CAMK2B: variants seen among roughly 807,000 people sequenced by gnomAD.
CAMK2B encodes the protein calcium/calmodulin-dependent protein kinase type II subunit beta.
In CAMK2B, 27 loss-of-function variants were observed where a neutral mutation model predicts 93.7. That is an observed-to-expected ratio of 0.29 (90% CI 0.21 to 0.40). The LOEUF is 0.40. Among genes scored for constraint, CAMK2B ranks in the 10% least tolerant of loss-of-function variants. The pLI, the probability that CAMK2B is intolerant of heterozygous loss-of-function variation, is 1.00. For missense variants in CAMK2B, 568 were observed against 895.8 expected (o/e 0.63, Z 4.67); for synonymous variants, 374 against 358.8 (o/e 1.04, Z -0.48).
At chr7:44,219,933 A>C in intron 23 of CAMK2B, 127 bp downstream of exon 23, 1 of 760,124 alleles carries the variant, frequency 1.3e-6, no homozygotes, top group Non-Finnish European at 2.1e-6. Context: ...CTCACCAGGA[A>C]AGCTCAGGGA....
At chr7:44,292,155 C>A (rs961632813) in intron 1 of CAMK2B, among the ~76,000 whole-genome samples, 9 of 152,168 alleles carry the variant, frequency 5.9e-5, no homozygotes, top group African/African-American at 2.2e-4. Flanking sequence ...GTGCTGCCTG[C>A]AATCCTTGGT....
At chr7:44,283,358 C>T (rs972518199) in intron 2 of CAMK2B, among the ~76,000 whole-genome samples, 2 of 152,214 alleles carry the variant, frequency 1.3e-5, no homozygotes, top group East Asian at 1.9e-4. Flanking sequence ...AGGGAGACCC[C>T]GTGAGGGCAG....
At chr7:44,304,483 G>C (rs2129186795) in intron 1 of CAMK2B, among the ~76,000 whole-genome samples, 1 of 152,280 alleles carries the variant, frequency 6.6e-6, no homozygotes, top group African/African-American at 2.4e-5. Context: ...AGTGGCCACT[G>C]CTGAATAAAA....
At chr7:44,262,511 T>A (rs1407828415) in intron 3 of CAMK2B, among the ~76,000 whole-genome samples, 2 of 152,144 alleles carry the variant, frequency 1.3e-5, no homozygotes, top group Non-Finnish European at 2.9e-5. Context: ...GGGTCTTTGG[T>A]CAGTCTTTCT....
intron 3 of CAMK2B, among the ~76,000 whole-genome samples, chr7:44,260,203 A>G (rs1325237454): frequency 7.5e-6 from 1 of 134,098 alleles, no homozygotes; most frequent in Non-Finnish European, 1.7e-5. Context: ...AGGCACAAGC[A>G]GCCCCCCTTC....
chr7:44,320,055 G>A (rs145228935), intron 1 of CAMK2B, among the ~76,000 whole-genome samples: 6 of 152,214 alleles, frequency 3.9e-5, no homozygotes, highest in African/African-American at 9.6e-5. Flanking sequence ...TTTACGGCAC[G>A]TACTTCTGTA....
At chr7:44,294,254 A>G (rs3934888) in intron 1 of CAMK2B, among the ~76,000 whole-genome samples, 47,587 of 152,110 alleles carry the variant, frequency 0.31, 8,556 homozygotes, top group Non-Finnish European at 0.41. Flanking sequence ...TCACAGGACC[A>G]ACGGAAGGGG....
At chr7:44,266,043 C>A (rs186412842) in intron 2 of CAMK2B, among the ~76,000 whole-genome samples, 2 of 152,260 alleles carry the variant, frequency 1.3e-5, no homozygotes, top group African/African-American at 2.4e-5. Context: ...CATAATTTAG[C>A]AAAGCATTGT....
chr7:44,272,415 G>A (rs780270206), intron 2 of CAMK2B, among the ~76,000 whole-genome samples: 20 of 152,218 alleles, frequency 1.3e-4, no homozygotes, highest in Non-Finnish European at 2.1e-4. Context: ...GCAGCCCCGG[G>A]AGGCTGAGCC....
intron 4 of CAMK2B, among the ~76,000 whole-genome samples, chr7:44,256,297 A>G (rs35873948): frequency 0.33 from 50,904 of 152,184 alleles, 9,144 homozygotes; most frequent in Non-Finnish European, 0.41. Flanking sequence ...ACATGTGTGG[A>G]TGCCTGTGTG....
intron 19 of CAMK2B, among the ~76,000 whole-genome samples, 160 bp from the exon 20 acceptor site, chr7:44,226,804 T>G (rs1364398429): frequency 6.6e-3 from 19 of 2,874 alleles, no homozygotes; most frequent in Admixed American, 0.014. Context: ...AATGGGGGGG[T>G]GTGGGGGGAA....
intron 5 of CAMK2B, among the ~76,000 whole-genome samples, chr7:44,253,300 G>A (rs369379447): frequency 1.4e-5 from 2 of 147,476 alleles, no homozygotes; most frequent in African/African-American, 2.5e-5. Flanking sequence ...TGCAAACTCC[G>A]CCTCCTGGGT....
At chr7:44,320,327 A>T (rs1795782559) in intron 1 of CAMK2B, among the ~76,000 whole-genome samples, 1 of 152,168 alleles carries the variant, frequency 6.6e-6, no homozygotes, top group Admixed American at 6.5e-5. Context: ...GTCAGAGTAG[A>T]CCACAAGCTG....
intron 1 of CAMK2B, among the ~76,000 whole-genome samples, chr7:44,314,422 G>C (rs916659471): frequency 6.6e-6 from 1 of 152,130 alleles, no homozygotes; most frequent in Admixed American, 6.5e-5. Flanking sequence ...CGTTTTGAAC[G>C]TTCGTCCACA....
chr7:44,217,484 G>A lies in CAMK2B; in HGVS notation c.*2041C>T. 1 of 152,510 alleles carries A rather than the reference G, an allele frequency of 6.6e-6. No homozygotes were observed. Among genetic ancestry groups the A allele is most frequent in the East Asian group, 1.9e-4 (1 of 5,178 alleles). The allele number at this position is 152,510 out of a possible 1,614,324, so 9.4% of individuals were successfully genotyped here. On this transcript the variant is annotated 3_prime_UTR_variant, in exon 24 of 24. Transcript: ENST00000395749. ...AGGTGAGAGGGAGAGGAGGGGAGGA[G>A]GCCCCAGGACGCCAGGGTGGCCGGC...
chr7:44,309,728 A>C (rs964067057), intron 1 of CAMK2B, among the ~76,000 whole-genome samples: 3 of 152,170 alleles, frequency 2.0e-5, no homozygotes, highest in Admixed American at 2.0e-4. Flanking sequence ...CCCTCACCCT[A>C]GCAGTGGGAC....
chr7:44,301,669 TG>T (rs1375058291), intron 1 of CAMK2B, among the ~76,000 whole-genome samples: 1 of 151,606 alleles, frequency 6.6e-6, no homozygotes, highest in African/African-American at 2.4e-5. Flanking sequence ...CTCAGCTACT[TG>T]GGAGACTGAG....
At chr7:44,314,670 G>C (rs1484742741) in intron 1 of CAMK2B, among the ~76,000 whole-genome samples, 1 of 152,194 alleles carries the variant, frequency 6.6e-6, no homozygotes, top group Admixed American at 6.5e-5. Flanking sequence ...ACCCACCAAA[G>C]TATTTTTCAT....
chr7:44,247,665 G>A (rs1267667647), intron 5 of CAMK2B, among the ~76,000 whole-genome samples: 4 of 152,338 alleles, frequency 2.6e-5, no homozygotes, highest in African/African-American at 9.6e-5. Flanking sequence ...AAAGCCCCAG[G>A]CACCAGGACC....
Sources: gnomAD v4.1 joint callset for allele counts (sites outside exome capture counted in the v4.1 genomes callset) on GRCh38, gnomAD v4.1.1 for gene constraint, MANE v1.5 for transcripts, NCBI Gene and HGNC (gene_info 2026-07-23, HGNC 2026-07-21) for gene names.